Variants in SUGCT observed in about 807,000 individuals in gnomAD.
SUGCT encodes the protein succinyl-CoA:glutarate CoA-transferase.
SUGCT carries 41 observed loss-of-function variants against 55.0 expected under a neutral mutation model. That is an observed-to-expected ratio of 0.74 (90% CI 0.58 to 0.97). The LOEUF (loss-of-function observed/expected upper bound fraction) is 0.97, where lower values mean the gene tolerates loss of function less well. SUGCT is among the 50% of genes least tolerant of loss of function. The pLI is 0.00. For missense variants in SUGCT, 568 were observed against 547.8 expected (o/e 1.04, Z -0.37); for synonymous variants, 187 against 200.4 (o/e 0.93, Z 0.56).
At chr7:40,470,777 C>CTG (rs1790365451) in intron 11 of SUGCT, among the ~76,000 whole-genome samples, 2 of 150,918 alleles carry the variant, frequency 1.3e-5, no homozygotes, top group Admixed American at 1.3e-4. Context: ...CTCTCTCTCT[C>CTG]TCTGTCTTTC....
intron 12 of SUGCT, among the ~76,000 whole-genome samples, chr7:40,746,412 C>T (rs373671311): frequency 7.2e-5 from 11 of 152,192 alleles, no homozygotes; most frequent in South Asian, 2.1e-4. Context: ...AAAAGGTTGG[C>T]GGCAACCAAG....
intron 9 of SUGCT, among the ~76,000 whole-genome samples, chr7:40,446,345 C>T (rs1788834621): frequency 6.6e-6 from 1 of 152,086 alleles, no homozygotes; most frequent in Admixed American, 6.6e-5. Context: ...CCCATCTCAC[C>T]CTTCTCCACA....
In SUGCT at chr7:40,860,304, C is replaced by T; in HGVS notation, c.1154-12C>T. On this transcript the variant is annotated splice_polypyrimidine_tract_variant and intron_variant, in intron 13 of 13. Coordinates refer to ENST00000335693, the MANE Select transcript of SUGCT (RefSeq NM_001193313.2). ...CATTAACAGGCTTCCTGCTTTCCTT[C>T]TCCTTTGGCAGGCCCAGCTGTGAGA... The T allele has an allele frequency of 1.2e-6, 2 of 1,613,936 alleles. No individual in the cohort carries two copies. Among genetic ancestry groups the T allele is most frequent in the Non-Finnish European group, 1.7e-6 (2 of 1,179,828 alleles).
intron 12 of SUGCT, among the ~76,000 whole-genome samples, chr7:40,629,878 C>T (rs577815960): frequency 3.7e-4 from 56 of 152,208 alleles, no homozygotes; most frequent in Non-Finnish European, 5.7e-4. Flanking sequence ...ACAAGAGGAG[C>T]TCATTTTGTG....
the SUGCT span, among the ~76,000 whole-genome samples, chr7:40,929,721 T>A: frequency 3.9e-5 from 6 of 152,230 alleles, no homozygotes; most frequent in Non-Finnish European, 8.8e-5. Context: ...AATGTCTTCT[T>A]TTGAGAACTG....
chr7:40,250,953 C>T (rs1041420655), intron 7 of SUGCT, among the ~76,000 whole-genome samples: 11 of 150,948 alleles, frequency 7.3e-5, no homozygotes, highest in African/African-American at 2.7e-4. Flanking sequence ...TTTCCTGTCT[C>T]AGCCTCCCGA....
chr7:40,588,657 C>T (rs994452797), intron 12 of SUGCT, among the ~76,000 whole-genome samples: 4 of 152,080 alleles, frequency 2.6e-5, no homozygotes, highest in Non-Finnish European at 5.9e-5. Context: ...AAGCATTTCT[C>T]TAGGTTCAAG....
intron 1 of SUGCT, among the ~76,000 whole-genome samples, chr7:40,148,962 G>GA (rs1788408092): frequency 6.6e-6 from 1 of 152,042 alleles, no homozygotes; most frequent in Admixed American, 6.6e-5. Context: ...GGGAGGGGAG[G>GA]AAAAAACAGT....
At chr7:41,033,067 A>C in the SUGCT span, among the ~76,000 whole-genome samples, 12 of 152,146 alleles carry the variant, frequency 7.9e-5, no homozygotes, top group African/African-American at 2.9e-4. Flanking sequence ...GGGCCAAAAA[A>C]CACCCCAATT....
At chr7:40,532,190 G>A (rs1298766143) in intron 12 of SUGCT, among the ~76,000 whole-genome samples, 1 of 152,164 alleles carries the variant, frequency 6.6e-6, no homozygotes, top group Non-Finnish European at 1.5e-5. Context: ...AGGATCCAAT[G>A]CTCATGAATG....
At chr7:40,972,729 G>A in the SUGCT span, among the ~76,000 whole-genome samples, 1 of 152,206 alleles carries the variant, frequency 6.6e-6, no homozygotes, top group South Asian at 2.1e-4. Context: ...CCAGCAAGGT[G>A]TGTTGTAACA....
At chr7:40,680,511 A>T (rs529815098) in intron 12 of SUGCT, among the ~76,000 whole-genome samples, 3 of 152,304 alleles carry the variant, frequency 2.0e-5, no homozygotes, top group Admixed American at 6.5e-5. Flanking sequence ...AAAGAAAAAT[A>T]AAAGGCCTGA....
At chr7:40,852,095 A>G (rs1402066145) in intron 13 of SUGCT, among the ~76,000 whole-genome samples, 1 of 152,196 alleles carries the variant, frequency 6.6e-6, no homozygotes, top group African/African-American at 2.4e-5. Context: ...CTCTCTTTGG[A>G]TATTTCATAG....
intron 12 of SUGCT, among the ~76,000 whole-genome samples, chr7:40,713,043 A>G (rs1208418919): frequency 3.9e-5 from 6 of 152,180 alleles, no homozygotes; most frequent in Non-Finnish European, 7.3e-5. Flanking sequence ...GGCCCACTTC[A>G]ATTCAGAGGT....
chr7:40,365,434 A>G (rs1416871129), intron 9 of SUGCT, among the ~76,000 whole-genome samples: 3 of 152,018 alleles, frequency 2.0e-5, no homozygotes, highest in Middle Eastern at 3.4e-3. Context: ...AGGAGAAGGA[A>G]ATAAAGGGTA....
intron 12 of SUGCT, among the ~76,000 whole-genome samples, chr7:40,736,340 G>A (rs1223456429): frequency 1.4e-5 from 2 of 146,872 alleles, no homozygotes; most frequent in Admixed American, 6.9e-5. Flanking sequence ...ACATTTATGT[G>A]TATATATAAA....
At chr7:40,399,923 G>T (rs1311199675) in intron 9 of SUGCT, among the ~76,000 whole-genome samples, 1 of 151,916 alleles carries the variant, frequency 6.6e-6, no homozygotes, top group Non-Finnish European at 1.5e-5. Context: ...GTGATATGTG[G>T]CTGTAATCCC....
At position 40,837,197 on chromosome 7, in the gene SUGCT, G is replaced by A. The variant is rs553642920; in HGVS notation, c.1154-23119G>A. 2.0e-4 allele frequency among the ~76,000 whole-genome samples: 31 copies of A among 152,150 alleles called. No homozygotes were observed. In the South Asian group the frequency reaches 2.5e-3, roughly 12 times the overall value. Reference sequence around the variant, plus strand: ...AATTCCTGAATGGCTAATATTGAACGTCTTTATATATGCTTTTAGCCACCT... The same window carrying A: ...AATTCCTGAATGGCTAATATTGAACATCTTTATATATGCTTTTAGCCACCT... On this transcript the variant is annotated intron_variant, in intron 13 of 13. Transcript: ENST00000335693.
intron 1 of SUGCT, among the ~76,000 whole-genome samples, chr7:40,140,046 G>GCATGCGCCAC (rs1433780046): frequency 2.0e-5 from 3 of 152,016 alleles, no homozygotes; most frequent in African/African-American, 7.3e-5. Flanking sequence ...GGGATTACAG[G>GCATGCGCCAC]CATGCGCCAC....
Sources: allele counts gnomAD v4.1 joint callset (sites outside exome capture counted in the v4.1 genomes callset), GRCh38; gene constraint gnomAD v4.1.1; transcripts MANE v1.5; gene names NCBI Gene and HGNC (gene_info 2026-07-23, HGNC 2026-07-21).